TLL2: variants seen among roughly 807,000 people sequenced by gnomAD.
TLL2 encodes the protein tolloid-like protein 2.
In TLL2, 106 loss-of-function variants were observed where a neutral mutation model predicts 123.0. The ratio of observed to expected loss-of-function variants is 0.86; its 90% confidence interval spans 0.74 to 1.01. TLL2 has a LOEUF of 1.01. Ranked by LOEUF, TLL2 falls within the 50% of genes least tolerant of loss-of-function variation. The probability of loss-of-function intolerance (pLI) is 0.00; values close to 1 mark genes in which losing one functional copy is unlikely to be tolerated. For synonymous variants in TLL2, 494 were observed against 516.8 expected (o/e 0.96, Z 0.60); for missense variants, 1,332 against 1,336.7 (o/e 1.00, Z 0.06).
At chr10:96,476,290 A>G (rs7895152) in intron 2 of TLL2, among the ~76,000 whole-genome samples, 127,482 of 130,582 alleles carry the variant, frequency 0.98, 62,379 homozygotes, top group Middle Eastern at 1. Context: ...TCACTCTGTC[A>G]CTCAGATGTA....
intron 16 of TLL2, among the ~76,000 whole-genome samples, chr10:96,382,586 T>C (rs895796925): frequency 6.6e-6 from 1 of 152,246 alleles, no homozygotes; most frequent in East Asian, 1.9e-4. Context: ...TGTTGAGAGA[T>C]GAGGCCCTTA....
intron 3 of TLL2, among the ~76,000 whole-genome samples, chr10:96,444,145 C>T (rs1365861020): frequency 2.0e-5 from 3 of 152,170 alleles, no homozygotes; most frequent in Admixed American, 2.0e-4. Flanking sequence ...TGAGTTCTCC[C>T]TACTGCTAGT....
At chr10:96,487,742 A>C (rs534729579) in intron 1 of TLL2, among the ~76,000 whole-genome samples, 1 of 152,300 alleles carries the variant, frequency 6.6e-6, no homozygotes, top group East Asian at 1.9e-4. Context: ...CTGGGGTCAC[A>C]GGGCCAGCAA....
chr10:96,476,240 A>ATATATATAT, intron 2 of TLL2, among the ~76,000 whole-genome samples: 18 of 20,482 alleles, frequency 8.8e-4, no homozygotes, highest in South Asian at 1.8e-3. Context: ...ATATATATAT[A>ATATATATAT]TTTTATTTTT....
At chr10:96,432,305 C>G (rs1284687890) in intron 4 of TLL2, among the ~76,000 whole-genome samples, 2 of 152,054 alleles carry the variant, frequency 1.3e-5, no homozygotes, top group Admixed American at 6.5e-5. Context: ...CTAATTTCCC[C>G]AGGGCATTTT....
At chr10:96,412,210 G>A (rs185866249) in intron 8 of TLL2, among the ~76,000 whole-genome samples, 14 of 152,154 alleles carry the variant, frequency 9.2e-5, no homozygotes, top group African/African-American at 3.1e-4. Context: ...GTTTCTTGAG[G>A]AAGCAAGCCC....
intron 17 of TLL2, among the ~76,000 whole-genome samples, chr10:96,377,994 C>T (rs1846152879): frequency 6.6e-6 from 1 of 152,252 alleles, no homozygotes; most frequent in Non-Finnish European, 1.5e-5. Flanking sequence ...GGCCCGGGCC[C>T]ATCTCACAGG....
chr10:96,479,660 C>T, intron 2 of TLL2, among the ~76,000 whole-genome samples: 1 of 152,244 alleles, frequency 6.6e-6, no homozygotes, highest in Non-Finnish European at 1.5e-5. Flanking sequence ...CTCCTGTTCA[C>T]CAGAACCCCT....
intron 2 of TLL2, among the ~76,000 whole-genome samples, chr10:96,463,725 T>C (rs1353477849): frequency 6.6e-6 from 1 of 152,190 alleles, no homozygotes; most frequent in Non-Finnish European, 1.5e-5. Context: ...CGTCTACACA[T>C]ACAGGATGCC....
chr10:96,500,901 T>C (rs1847528122), intron 1 of TLL2, among the ~76,000 whole-genome samples: 1 of 152,214 alleles, frequency 6.6e-6, no homozygotes, highest in South Asian at 2.1e-4. Flanking sequence ...TACAACAGTG[T>C]ATAAAGCAAC....
At chr10:96,501,870 T>G (rs538092166) in intron 1 of TLL2, among the ~76,000 whole-genome samples, 1 of 152,248 alleles carries the variant, frequency 6.6e-6, no homozygotes, top group Non-Finnish European at 1.5e-5. Context: ...GCACCCACCA[T>G]GTGCTGGCAC....
intron 11 of TLL2, among the ~76,000 whole-genome samples, chr10:96,396,381 A>T (rs940378197): frequency 2.6e-5 from 4 of 152,130 alleles, no homozygotes; most frequent in African/African-American, 9.7e-5. Context: ...TCCCCAGGTG[A>T]TTCAAGGTAG....
rs559672622 is a variant in TLL2, at chr10:96,459,561, G to A, written c.287-13393C>T. On this transcript the variant is annotated intron_variant, in intron 2 of 20. Coordinates refer to ENST00000357947, the MANE Select transcript of TLL2 (RefSeq NM_012465.4). ...GGCACCCCTGTAATCCCAGCTACTC[G>A]GGAGGCTGAGGCAAAGAAGAATCAC... Among the ~76,000 whole-genome samples, 178 of 149,494 alleles carry A rather than the reference G, an allele frequency of 1.2e-3. 1 individual carries two copies. The highest frequency in any genetic ancestry group is 2.0e-3 in the Non-Finnish European group (133 of 67,452).
chr10:96,413,453 T>G (rs2134071557), intron 7 of TLL2, 137 bp from the exon 8 acceptor site: 2 of 1,115,746 alleles, frequency 1.8e-6, no homozygotes, highest in East Asian at 2.6e-5. Context: ...CAGGCTGGCA[T>G]GACTGAAGAG....
chr10:96,479,959 C>T (rs1487687510), intron 2 of TLL2, among the ~76,000 whole-genome samples: 2 of 152,204 alleles, frequency 1.3e-5, no homozygotes, highest in African/African-American at 4.8e-5. Context: ...ACCAGGCAGG[C>T]TTCTCCACTC....
At chr10:96,392,133 T>C (rs558847028) in intron 13 of TLL2, among the ~76,000 whole-genome samples, 93 of 152,238 alleles carry the variant, frequency 6.1e-4, no homozygotes, top group African/African-American at 2.0e-3. Context: ...CTGATGAATG[T>C]TGAATGCACG....
intron 2 of TLL2, among the ~76,000 whole-genome samples, chr10:96,473,465 G>A (rs529250972): frequency 6.6e-6 from 1 of 152,136 alleles, no homozygotes; most frequent in Admixed American, 6.5e-5. Context: ...AAAAGAAAGC[G>A]TCCCCATGAT....
chr10:96,494,680 C>T (rs539190646), intron 1 of TLL2, among the ~76,000 whole-genome samples: 7 of 152,344 alleles, frequency 4.6e-5, no homozygotes, highest in East Asian at 3.9e-4. Context: ...ATGGTCTACA[C>T]GGGGGAAGAG....
At chr10:96,482,776 C>T (rs984990890) in intron 1 of TLL2, among the ~76,000 whole-genome samples, 7 of 152,056 alleles carry the variant, frequency 4.6e-5, no homozygotes, top group South Asian at 2.1e-4. Flanking sequence ...TTACTAAAAT[C>T]GCATGTACAC....
Sources: allele counts gnomAD v4.1 joint callset (sites outside exome capture counted in the v4.1 genomes callset), GRCh38; gene constraint gnomAD v4.1.1; transcripts MANE v1.5; gene names NCBI Gene and HGNC (gene_info 2026-07-23, HGNC 2026-07-21).